The following SNAP47 variants were observed in gnomAD, a reference collection of about 807,000 sequenced individuals.
SNAP47 encodes the protein synaptosomal-associated protein 47.
Under a neutral mutation model 31.4 loss-of-function variants are expected in SNAP47, and 20 were observed. The observed-to-expected ratio is 0.64, with a 90% CI of 0.45 to 0.93. The LOEUF (loss-of-function observed/expected upper bound fraction) is 0.93, where lower values mean the gene tolerates loss of function less well. Among genes scored for constraint, SNAP47 ranks in the 40% least tolerant of loss-of-function variants. The pLI is 0.00. For synonymous variants in SNAP47, 194 were observed against 213.4 expected, an observed-to-expected ratio of 0.91 and a Z score of 0.79; for missense variants, 492 against 528.5, an observed-to-expected ratio of 0.93 and a Z score of 0.68.
At chr1:227,758,610 G>A (rs558084035) in intron 2 of SNAP47, among the ~76,000 whole-genome samples, 7 of 152,326 alleles carry the variant, frequency 4.6e-5, no homozygotes, top group East Asian at 1.9e-4. Context: ...CAGCGCAGAC[G>A]TAGAACATTC....
rs191307622 is a variant in SNAP47, at chr1:227,739,938, G to A, written c.-46+4439G>A. ...GACACCGTGAGGGCTCCAGGACCTG[G>A]ACTGATTGCAGAACTATGTGGTACA... On this transcript the variant is annotated intron_variant, in intron 1 of 4. Transcript: ENST00000617596. Among the ~76,000 whole-genome samples, 118 of 152,370 alleles carry A rather than the reference G, an allele frequency of 7.7e-4. 2 individuals carry two copies. Among genetic ancestry groups the A allele is most frequent in the African/African-American group, 2.5e-3 (105 of 41,588 alleles).
At chr1:227,754,082 G>A (rs1340545830) in intron 2 of SNAP47, among the ~76,000 whole-genome samples, 2 of 152,214 alleles carry the variant, frequency 1.3e-5, no homozygotes, top group African/African-American at 4.8e-5. Flanking sequence ...ATAAGTGCAA[G>A]GTTTTATTGA....
In SNAP47 at chr1:227,759,057, C is replaced by T. The variant is rs1426055061; in HGVS notation, c.560C>T (p.Pro187Leu). The T allele has an allele frequency of 2.5e-6, 4 of 1,613,880 alleles. No homozygotes were observed. Among genetic ancestry groups the T allele is most frequent in the South Asian group, 2.2e-5 (2 of 90,950 alleles). ...TTTAGCTCCAAGCTTTGGAAGACAC[C>T]ACCGGAAACAAAGCCCAGGGAAGAT... ...WPFSSKLWKT[P>L]PETKPREDVS... is the part of the protein sequence containing the mutation. The change falls in exon 3 of 5, where the codon CCA (proline) becomes CTA (leucine). Residue 187 changes from proline to leucine, a missense_variant. By Grantham distance (98) the Pro-to-Leu change is moderately conservative. Coordinates refer to ENST00000617596, the MANE Select transcript of SNAP47 (RefSeq NM_053052.4).
At chr1:227,732,958 G>C (rs765975069), upstream of SNAP47, 33 of 1,613,232 alleles carry the variant, frequency 2.0e-5, no homozygotes, top group East Asian at 4.7e-4. Context: ...AGCTCCTGCT[G>C]CAAGAAGCGC....
At chr1:227,772,760 AT>A (rs1310043184) in intron 4 of SNAP47, among the ~76,000 whole-genome samples, 2 of 152,142 alleles carry the variant, frequency 1.3e-5, no homozygotes, top group East Asian at 3.9e-4. Context: ...GAGGACCCAG[AT>A]TTATTCTTCT....
Position 227,759,065 on chromosome 1 carries a change from A to G in SNAP47, c.568A>G (p.Thr190Ala). The G allele has an allele frequency of 3.7e-6, 6 of 1,614,116 alleles. No individual in the cohort carries two copies. Among genetic ancestry groups the G allele is most frequent in the Non-Finnish European group, 5.1e-6 (6 of 1,180,032 alleles). ...CAAGCTTTGGAAGACACCACCGGAA[A>G]CAAAGCCCAGGGAAGATGTCTCCAT... ...SSKLWKTPPE[T>A]KPREDVSMTS... is the part of the protein sequence containing the mutation. Residue 190 changes from threonine (T) to alanine (A), a missense_variant, in exon 3 of 5, where the codon ACA (threonine) becomes GCA (alanine). Coordinates refer to ENST00000617596, the MANE Select transcript of SNAP47 (RefSeq NM_053052.4).
chr1:227,733,717 G>A, upstream of SNAP47: 7 of 1,598,202 alleles, frequency 4.4e-6, no homozygotes, highest in African/African-American at 1.3e-5. Flanking sequence ...ATGCCTGTAG[G>A]GGCTGGTATG....
intron 2 of SNAP47, among the ~76,000 whole-genome samples, chr1:227,758,078 G>A (rs1237462402): frequency 6.6e-6 from 1 of 152,202 alleles, no homozygotes; most frequent in Admixed American, 6.5e-5. Flanking sequence ...CTTAGCTCCT[G>A]TAGCTGCAGG....
upstream of SNAP47, chr1:227,735,135 C>T (rs1470953093): frequency 1.3e-6 from 2 of 1,581,330 alleles, no homozygotes; most frequent in Non-Finnish European, 8.6e-7. Context: ...AGCAAGAAGC[C>T]CCGCACAAAG....
intron 2 of SNAP47, among the ~76,000 whole-genome samples, chr1:227,748,842 T>G (rs542855892): frequency 2.6e-5 from 4 of 152,384 alleles, no homozygotes; most frequent in African/African-American, 4.8e-5. Flanking sequence ...CTGTTATGTT[T>G]CTTAGTATGA....
intron 1 of SNAP47, chr1:227,744,062 A>T: frequency 6.6e-6 from 1 of 151,370 alleles, no homozygotes. Context: ...CATCAGCCTT[A>T]TGTCATCTCT....
intron 4 of SNAP47, chr1:227,776,538 A>G: frequency 4.1e-6 from 4 of 985,542 alleles, no homozygotes; most frequent in Non-Finnish European, 4.8e-6. Context: ...CATCCTGCAC[A>G]ATGGCTAGAT....
chr1:227,744,748 C>T (rs1232810362), intron 1 of SNAP47, among the ~76,000 whole-genome samples: 3 of 152,214 alleles, frequency 2.0e-5, no homozygotes, highest in South Asian at 2.1e-4. Context: ...AGGCCCTAGG[C>T]GCTCCTGCCT....
At chr1:227,732,464 G>C (rs184539341), upstream of SNAP47, 1 of 1,613,310 alleles carries the variant, frequency 6.2e-7, no homozygotes. Flanking sequence ...GTGAGAACGC[G>C]CTGGTGTCCA....
At chr1:227,734,623 C>G, upstream of SNAP47, 1 of 1,609,700 alleles carries the variant, frequency 6.2e-7, no homozygotes, top group East Asian at 2.2e-5. Flanking sequence ...GGGAAGGCAG[C>G]GCCTCGGTGC....
chr1:227,738,044 TTGTTTTTGC>T (rs907357045), intron 1 of SNAP47, among the ~76,000 whole-genome samples: 2 of 152,092 alleles, frequency 1.3e-5, no homozygotes, highest in Non-Finnish European at 2.9e-5. Flanking sequence ...TTTTGTTTTG[TTGTTTTTGC>T]TGTTTTGAGA....
intron 4 of SNAP47, chr1:227,768,213 CTCCAGGTGCAGCT>C: frequency 1.1e-6 from 1 of 937,080 alleles, no homozygotes; most frequent in Non-Finnish European, 1.3e-6. Context: ...CACATGCAGT[CTCCAGGTGCAGCT>C]TCCGTCTCGT....
chr1:227,751,797 T>C (rs1161654248), intron 2 of SNAP47, among the ~76,000 whole-genome samples: 3 of 123,508 alleles, frequency 2.4e-5, no homozygotes, highest in Non-Finnish European at 4.8e-5. Flanking sequence ...GGAGTCTCGC[T>C]CTGTCTCCCA....
chr1:227,769,260 G>A (rs1227024771), intron 4 of SNAP47, among the ~76,000 whole-genome samples: 1 of 152,176 alleles, frequency 6.6e-6, no homozygotes. Flanking sequence ...ATCAAGGCCA[G>A]TGGCAGAGCG....
Sources: allele counts gnomAD v4.1 joint callset (sites outside exome capture counted in the v4.1 genomes callset), GRCh38; gene constraint gnomAD v4.1.1; transcripts MANE v1.5; gene names NCBI Gene and HGNC (gene_info 2026-07-23, HGNC 2026-07-21).